UNC93B1: variants seen among roughly 807,000 people sequenced by gnomAD.
The protein encoded by UNC93B1 is protein unc-93 homolog B1.
Under a neutral mutation model 56.8 loss-of-function variants are expected in UNC93B1, and 33 were observed. The ratio of observed to expected loss-of-function variants is 0.58; its 90% CI spans 0.44 to 0.78. UNC93B1 has a LOEUF of 0.78. UNC93B1 is among the 30% of genes least tolerant of loss of function. The probability of loss-of-function intolerance (pLI) is 0.00; values close to 1 mark genes in which losing one functional copy is unlikely to be tolerated. For synonymous variants in UNC93B1, 334 were observed against 358.6 expected, an observed-to-expected ratio of 0.93 and a Z score of 0.77; for missense variants, 673 against 819.5, an observed-to-expected ratio of 0.82 and a Z score of 2.18.
At position 67,997,768 on chromosome 11, in the gene UNC93B1, G is replaced by A; in HGVS notation, c.813C>T (p.Phe271=). Residue 271 remains phenylalanine (F), a synonymous_variant, in exon 7 of 11, where the codon TTC becomes TTT. Coordinates refer to ENST00000227471, the MANE Select transcript of UNC93B1 (RefSeq NM_030930.4). Reference sequence around the variant, plus strand: ...GGAGCGTCCGCAGAACCGTCTTGTTGAAGCCGCTGAGGATCCCGTGGCTGT... The same window carrying A: ...GGAGCGTCCGCAGAACCGTCTTGTTAAAGCCGCTGAGGATCCCGTGGCTGT... ...GTNSHGILSG[F]NKTVLRTLPR... The A allele has an allele frequency of 6.2e-7, 1 of 1,609,946 alleles. No individual in the cohort carries two copies. The highest frequency in any genetic ancestry group is 1.3e-5 in the African/African-American group (1 of 75,072).
At position 67,994,271 on chromosome 11, in the gene UNC93B1, T is replaced by C. The variant is rs1389105390; in HGVS notation, c.1364-477A>G. Among the ~76,000 whole-genome samples, 6 of 152,182 alleles carry C rather than the reference T, an allele frequency of 3.9e-5. No individual in the cohort carries two copies. The East Asian group carries it at 1.2e-3, about 29-fold the overall frequency. ...CTCCCAGGGTGGGCAACAAGAGTAA[T>C]GGATTGGGAGTCAGAAGATGCACGC... is the stretch of plus-strand genomic sequence containing the variant. On this transcript the variant is annotated intron_variant, in intron 9 of 10. Coordinates refer to ENST00000227471, the MANE Select transcript of UNC93B1 (RefSeq NM_030930.4).
At chr11:67,993,821 A>G (rs1249345388) in intron 9 of UNC93B1, 27 bp from the exon 10 acceptor site, 31 of 1,141,346 alleles carry the variant, frequency 2.7e-5, no homozygotes, top group Non-Finnish European at 3.9e-5. Context: ...CAGGGCAGGC[A>G]GGGGAGAGGT....
At chr11:67,998,028 C>T (rs142793584) in intron 6 of UNC93B1, among the ~76,000 whole-genome samples, 1 of 152,334 alleles carries the variant, frequency 6.6e-6, no homozygotes, top group East Asian at 1.9e-4. Flanking sequence ...CCCTGCTTCC[C>T]ACCCTATTTC....
chr11:68,002,135 T>C (rs1321244034), intron 3 of UNC93B1, among the ~76,000 whole-genome samples: 1 of 147,890 alleles, frequency 6.8e-6, no homozygotes, highest in Admixed American at 6.7e-5. Flanking sequence ...CAAGTATCTG[T>C]CTCAAAAAAA....
chr11:68,000,400 C>T (rs1168101607), intron 3 of UNC93B1, among the ~76,000 whole-genome samples: 1 of 152,212 alleles, frequency 6.6e-6, no homozygotes, highest in East Asian at 1.9e-4. Flanking sequence ...CACAGTGGCT[C>T]ACATCTGTAA....
rs1857088777 is a variant in UNC93B1 at position 68,003,774 on chromosome 11, G to C, written c.121C>G (p.Pro41Ala). The stretch of plus-strand genomic sequence containing the variant: ...TCCTCCTCCTCCTCGTTGTAGTTGG[G>C]GTACGCGCCCACCAGCTCGTCCAGC... Reference protein sequence around the residue: ...APLDELVGAYPNYNEEEEERR... With the variant: ...APLDELVGAYANYNEEEEERR... The change falls in exon 2 of 11, where the codon CCC (proline) becomes GCC (alanine). Residue 41 changes from proline to alanine, a missense_variant. Pro to Ala is a conservative substitution (Grantham distance 27). This residue lies in a region of UNC93B1 where 438 missense variants were observed against 465.9 expected (regional missense o/e 0.94). Coordinates refer to ENST00000227471, the MANE Select transcript of UNC93B1 (RefSeq NM_030930.4). The surrounding 1 kb of genome is among the most constrained non-coding windows in gnomAD (Gnocchi z 4.4). 6 of 1,515,308 alleles carry C rather than the reference G, an allele frequency of 4.0e-6. No individual in the cohort carries two copies. The highest frequency in any genetic ancestry group is 2.5e-5 in the South Asian group (2 of 81,514). The allele number at this position is 1,515,308 out of a possible 1,614,324, so 93.9% of individuals were successfully genotyped here.
intron 3 of UNC93B1, 75 bp downstream of exon 3, chr11:68,002,947 C>T: frequency 4.0e-6 from 6 of 1,499,734 alleles, no homozygotes; most frequent in Non-Finnish European, 5.3e-6. Context: ...CAGATGGACA[C>T]CTCCTGGCCC....
At position 68,003,131 on chromosome 11, in the gene UNC93B1, G is replaced by A. The variant is rs1447462090; in HGVS notation, c.283C>T (p.Arg95Cys). The A allele has an allele frequency of 1.9e-6, 3 of 1,613,374 alleles. No homozygotes were observed. Among genetic ancestry groups the A allele is most frequent in the Non-Finnish European group, 2.5e-6 (3 of 1,179,800 alleles). The stretch of plus-strand genomic sequence containing the variant: ...CCCATGTTGCCATACTTCACCTCGC[G>A]GTAGGTCTCGTCGTAGTGCAGGATC... ...QLILHYDETY[R>C]EVKYGNMGLP... Residue 95 changes from arginine to cysteine, a missense_variant, in exon 3 of 11, where the codon CGC (arginine) becomes TGC (cysteine). By Grantham distance (180) the Arg-to-Cys change is radical. This residue lies in a region of UNC93B1 where 438 missense variants were observed against 465.9 expected (regional missense o/e 0.94). Transcript: ENST00000227471. This position sits in a 1 kb window ranked among gnomAD's most constrained non-coding sequence, Gnocchi z 4.4.
intron 9 of UNC93B1, among the ~76,000 whole-genome samples, chr11:67,995,365 C>A (rs1012108826): frequency 3.3e-5 from 5 of 151,472 alleles, no homozygotes; most frequent in African/African-American, 9.7e-5. Context: ...GGCATGGAAC[C>A]CCCATACCTG....
At position 68,003,762 on chromosome 11, in the gene UNC93B1, C is replaced by G. The variant is rs1382458383; in HGVS notation, c.133G>C (p.Glu45Gln). Residue 45 changes from glutamate (E) to glutamine (Q), a missense_variant, in exon 2 of 11, where the codon GAG becomes CAG. Physicochemically the swap from Glu to Gln is conservative, Grantham distance 29. This residue lies in a region of UNC93B1 where 438 missense variants were observed against 465.9 expected (regional missense o/e 0.94). Transcript: ENST00000227471. This position sits in a 1 kb window ranked among gnomAD's most constrained non-coding sequence, Gnocchi z 4.4. ...TAGTAGCGGCGCTCCTCCTCCTCCTCGTTGTAGTTGGGGTACGCGCCCACC... is the reference window on the plus strand; with the variant it reads ...TAGTAGCGGCGCTCCTCCTCCTCCTGGTTGTAGTTGGGGTACGCGCCCACC... ...ELVGAYPNYN[E>Q]EEEERRYYRR... The G allele has an allele frequency of 2.0e-6, 3 of 1,520,670 alleles. No individual in the cohort carries two copies. The African/African-American group carries it at 4.3e-5, about 22-fold the overall frequency. 94.2% of individuals were successfully genotyped at this position (1,520,670 alleles called of 1,614,324 possible).
At position 67,994,880 on chromosome 11, in the gene UNC93B1, A is replaced by G. The variant is rs4014620; in HGVS notation, c.1363+731T>C. On this transcript the variant is annotated intron_variant, in intron 9 of 10. Coordinates refer to ENST00000227471, the MANE Select transcript of UNC93B1 (RefSeq NM_030930.4). ...ACATGGATGCCCGGCAGGACTGCCC[A>G]TGTGTGCTAGCTGTGTTTCACTGCG... Among the ~76,000 whole-genome samples, 34 of 152,336 alleles carry G rather than the reference A, an allele frequency of 2.2e-4. 1 individual carries two copies. The highest frequency in any genetic ancestry group is 6.8e-3 in the Middle Eastern group (2 of 294).
At position 67,991,678 on chromosome 11, in the gene UNC93B1, G is replaced by T; in HGVS notation, c.1662C>A (p.Gly554=). The T allele has an allele frequency of 6.5e-7, 1 of 1,531,216 alleles. No homozygotes were observed. The highest frequency in any genetic ancestry group is 1.2e-5 in the South Asian group (1 of 83,866). The allele number at this position is 1,531,216 out of a possible 1,614,324, so 94.9% of individuals were successfully genotyped here. The part of the protein sequence containing the change: ...EDNSDESDAE[G]EHGDGAEEEA... ...CCTCCTCCGCGCCGTCCCCATGCTC[G>T]CCCTCCGCGTCGCTCTCGTCCGAGT... The change falls in exon 11 of 11, where the codon GGC becomes GGA. Residue 554 remains glycine (G), a synonymous_variant. Coordinates refer to ENST00000227471, the MANE Select transcript of UNC93B1 (RefSeq NM_030930.4).
chr11:67,993,130 A>G (rs1321568119), intron 10 of UNC93B1, among the ~76,000 whole-genome samples: 2 of 152,188 alleles, frequency 1.3e-5, no homozygotes, highest in Admixed American at 1.3e-4. Flanking sequence ...CTGTGATTAC[A>G]GGCACCTGCC....
chr11:67,993,525 G>T, intron 10 of UNC93B1, 151 bp downstream of exon 10: 2 of 615,622 alleles, frequency 3.2e-6, no homozygotes, highest in Non-Finnish European at 5.9e-6. Flanking sequence ...GGGGTGCTGA[G>T]TTGGGGGCCA....
intron 10 of UNC93B1, 26 bp downstream of exon 10, chr11:67,993,650 G>C: frequency 1.9e-6 from 2 of 1,052,006 alleles, no homozygotes; most frequent in East Asian, 2.6e-5. Flanking sequence ...ATTGGGCATG[G>C]GGCCCCCAAC....
intron 3 of UNC93B1, among the ~76,000 whole-genome samples, chr11:68,002,125 C>CAAGT (rs1430832598): frequency 2.1e-5 from 3 of 145,938 alleles, no homozygotes; most frequent in Non-Finnish European, 3.0e-5. Flanking sequence ...GGTGACAGAG[C>CAAGT]AAGTATCTGT....
At chr11:67,999,145 AC>A (rs1297003543) in intron 5 of UNC93B1, 27 bp downstream of exon 5, 2 of 1,613,422 alleles carry the variant, frequency 1.2e-6, no homozygotes, top group Admixed American at 1.7e-5. Context: ...TGCCCCTGCC[AC>A]CCAACAATGG....
rs775653744 is a variant in UNC93B1 at position 67,999,684 on chromosome 11, C to A, written c.393-4G>T. ...CATCCACTTCGTTCCAAAAAACCTG[C>A]GGACAGTGGGAGAGATGCTGGCACC... On this transcript the variant is annotated splice_region_variant and splice_polypyrimidine_tract_variant and intron_variant, in intron 3 of 10. Coordinates refer to ENST00000227471, the MANE Select transcript of UNC93B1 (RefSeq NM_030930.4). The A allele has an allele frequency of 1.2e-6, 2 of 1,609,814 alleles. No individual in the cohort carries two copies. The highest frequency in any genetic ancestry group is 2.2e-5 in the South Asian group (2 of 90,166).
chr11:67,996,614 A>G lies in UNC93B1; in HGVS notation c.1077T>C (p.Thr359=), dbSNP rs1355721580. Residue 359 remains threonine, a synonymous_variant, in exon 8 of 11, where the codon ACT becomes ACC. Coordinates refer to ENST00000227471, the MANE Select transcript of UNC93B1 (RefSeq NM_030930.4). ...YSGFEVLFAC[T]GIALGYGVCS... ...AGGCTGTACTTACCAAGGCGATACC[A>G]GTGCAGGCAAAGAGCACCTCGAAGC... The G allele has an allele frequency of 6.5e-6, 10 of 1,549,238 alleles. No homozygotes were observed.
Sources: gnomAD v4.1 joint callset for allele counts (sites outside exome capture counted in the v4.1 genomes callset) on GRCh38, gnomAD v4.1.1 for gene constraint, gnomAD v4.1.1 regional missense constraint, Gnocchi (gnomAD v3.1) non-coding constraint, MANE v1.5 for transcripts, NCBI Gene and HGNC (gene_info 2026-07-23, HGNC 2026-07-21) for gene names.